Variants in SNRPD1 observed in about 807,000 individuals in gnomAD.
SNRPD1 encodes the protein small nuclear ribonucleoprotein Sm D1.
In SNRPD1, 1 loss-of-function variant was observed where a neutral mutation model predicts 14.4. The observed-to-expected ratio is 0.07, with a 90% CI of 0.02 to 0.33. The LOEUF is 0.33. Among genes scored for constraint, SNRPD1 ranks in the 10% least tolerant of loss-of-function variants. The pLI is 1.00. For synonymous variants in SNRPD1, 42 were observed against 50.3 expected (o/e 0.83, Z 0.70); for missense variants, 52 against 146.4 (o/e 0.36, Z 3.33).
intron 1 of SNRPD1, among the ~76,000 whole-genome samples, chr18:21,620,226 T>A (rs1598491991): frequency 6.6e-6 from 1 of 152,220 alleles, no homozygotes; most frequent in East Asian, 1.9e-4. Context: ...AGTGCTGGGG[T>A]TACAGGCATG....
chr18:21,623,564 A>G (rs2039013769), intron 2 of SNRPD1, among the ~76,000 whole-genome samples, 184 bp from the exon 3 acceptor site: 1 of 152,218 alleles, frequency 6.6e-6, no homozygotes, highest in African/African-American at 2.4e-5. Context: ...ATCTCTAGGA[A>G]GGAAACACTG....
chr18:21,624,152 G>A (rs1014457254), intron 3 of SNRPD1, among the ~76,000 whole-genome samples: 7 of 152,114 alleles, frequency 4.6e-5, no homozygotes, highest in Non-Finnish European at 7.4e-5. Context: ...AGGCCAAGGC[G>A]GGTGGATCAC....
chr18:21,626,509 G>A (rs914612539), intron 3 of SNRPD1, among the ~76,000 whole-genome samples: 20 of 151,748 alleles, frequency 1.3e-4, no homozygotes, highest in African/African-American at 4.6e-4. Flanking sequence ...TATTGGTTTG[G>A]GCCAGGTGTG....
At chr18:21,618,312 G>GA (rs1194425886) in intron 1 of SNRPD1, among the ~76,000 whole-genome samples, 1 of 150,472 alleles carries the variant, frequency 6.6e-6, no homozygotes, top group Non-Finnish European at 1.5e-5. Context: ...CATAGTCTCA[G>GA]AAAAAACCTA....
At position 21,612,349 on chromosome 18, in the gene SNRPD1, G is replaced by C. The variant is rs1336590708; in HGVS notation, c.-81G>C. ...GGAGCCCCTGGAGTAGGCGCTTCCG[G>C]CCATTCATACTGCAGTCGGTCAGTG... On this transcript the variant is annotated 5_prime_UTR_variant, in exon 1 of 4. Coordinates refer to ENST00000300413, the MANE Select transcript of SNRPD1 (RefSeq NM_006938.4). 2.7e-6 allele frequency: 3 copies of C among 1,125,256 alleles called. No homozygotes were observed. Among genetic ancestry groups the C allele is most frequent in the Admixed American group, 2.5e-5 (1 of 39,356 alleles). 69.7% of individuals were successfully genotyped at this position (1,125,256 alleles called of 1,614,324 possible).
chr18:21,614,153 A>T (rs2038941108), intron 1 of SNRPD1, among the ~76,000 whole-genome samples: 1 of 152,040 alleles, frequency 6.6e-6, no homozygotes, highest in Non-Finnish European at 1.5e-5. Flanking sequence ...GGCGCCTGTA[A>T]TCCCAGCTAC....
Position 21,626,761 on chromosome 18 carries a change from G to A in SNRPD1, c.284-2301G>A, listed in dbSNP as rs1222244377. 4.0e-5 allele frequency among the ~76,000 whole-genome samples: 6 copies of A among 151,146 alleles called. No individual in the cohort carries two copies. In the Admixed American group the frequency reaches 4.0e-4, roughly 10 times the overall value. ...AGATCGCACTACTGCACTCCAGCCT[G>A]GACAACAGAGAGAGACTTGGTCTCA... On this transcript the variant is annotated intron_variant, in intron 3 of 3. Transcript: ENST00000300413.
Position 21,623,854 on chromosome 18 carries a change from G to T in SNRPD1, c.198G>T (p.Arg66=). 1 of 1,610,848 alleles carries T rather than the reference G, an allele frequency of 6.2e-7. No individual in the cohort carries two copies. Residue 66 remains arginine, a synonymous_variant, in exon 3 of 4, where the codon CGG becomes CGT. Coordinates refer to ENST00000300413, the MANE Select transcript of SNRPD1 (RefSeq NM_006938.4). ...ETLSIRGNNI[R]YFILPDSLPL... ...TGAGTATTCGAGGAAATAACATTCG[G>T]TATTTTATTCTACCAGACAGTTTAC...
intron 3 of SNRPD1, among the ~76,000 whole-genome samples, chr18:21,625,867 C>T (rs1270310164): frequency 6.6e-6 from 1 of 152,112 alleles, no homozygotes; most frequent in East Asian, 1.9e-4. Context: ...CCTGGGCCTC[C>T]CTAAGTGCTG....
At chr18:21,622,202 T>C (rs1289189756) in intron 1 of SNRPD1, among the ~76,000 whole-genome samples, 10 of 151,780 alleles carry the variant, frequency 6.6e-5, no homozygotes, top group African/African-American at 2.4e-4. Flanking sequence ...TGCAGTGGCG[T>C]GATCTCGGCT....
At chr18:21,618,125 T>C (rs967481366) in intron 1 of SNRPD1, among the ~76,000 whole-genome samples, 3 of 151,968 alleles carry the variant, frequency 2.0e-5, no homozygotes, top group Non-Finnish European at 1.5e-5. Flanking sequence ...ATATTCTTAG[T>C]AAAAAACCTG....
intron 3 of SNRPD1, among the ~76,000 whole-genome samples, chr18:21,625,090 G>C (rs949893744): frequency 3.9e-5 from 6 of 151,914 alleles, no homozygotes; most frequent in African/African-American, 1.5e-4. Flanking sequence ...TTGAAGGCTG[G>C]CTGTATTTTC....
At chr18:21,614,458 T>C (rs1412417902) in intron 1 of SNRPD1, among the ~76,000 whole-genome samples, 1 of 152,204 alleles carries the variant, frequency 6.6e-6, no homozygotes, top group Admixed American at 6.5e-5. Context: ...AGGTAAAATA[T>C]AGAAACAAAT....
chr18:21,618,229 T>C (rs988165992), intron 1 of SNRPD1, among the ~76,000 whole-genome samples: 2 of 151,918 alleles, frequency 1.3e-5, no homozygotes, highest in African/African-American at 4.8e-5. Context: ...TTAAGACTAG[T>C]CTAGGCAACA....
chr18:21,621,662 C>G (rs988330100), intron 1 of SNRPD1, among the ~76,000 whole-genome samples: 9 of 152,128 alleles, frequency 5.9e-5, no homozygotes, highest in Non-Finnish European at 1.0e-4. Flanking sequence ...ACTGCAATCT[C>G]TGCCTCCCAG....
Position 21,622,721 on chromosome 18 carries a change from A to G in SNRPD1, c.15-4A>G, listed in dbSNP as rs2039007475. ...GGTAAAAATGGTTTTATTCCTATTT[A>G]TAGATTTTTGATGAAATTGAGTCAT... On this transcript the variant is annotated splice_region_variant and splice_polypyrimidine_tract_variant and intron_variant, in intron 1 of 3. Coordinates refer to ENST00000300413, the MANE Select transcript of SNRPD1 (RefSeq NM_006938.4). 3 of 1,405,756 alleles carry G rather than the reference A, an allele frequency of 2.1e-6. No individual in the cohort carries two copies. Among genetic ancestry groups the G allele is most frequent in the East Asian group, 2.3e-5 (1 of 43,858 alleles). 87.1% of individuals were successfully genotyped at this position (1,405,756 alleles called of 1,614,324 possible). A position where few individuals can be genotyped will look rare whatever the true frequency, so the allele number is the denominator to read the frequency against.
At chr18:21,613,487 G>A (rs140369043) in intron 1 of SNRPD1, among the ~76,000 whole-genome samples, 4 of 152,220 alleles carry the variant, frequency 2.6e-5, no homozygotes, top group Non-Finnish European at 4.4e-5. Flanking sequence ...TGGTTAGTGG[G>A]GATGACAGAC....
intron 1 of SNRPD1, among the ~76,000 whole-genome samples, chr18:21,616,113 G>A (rs956537472): frequency 7.9e-5 from 12 of 152,134 alleles, no homozygotes; most frequent in Admixed American, 2.0e-4. Context: ...AGCCTCCCGA[G>A]TAGCTGGGAC....
chr18:21,620,937 G>T (rs1392728579), intron 1 of SNRPD1, among the ~76,000 whole-genome samples: 1 of 152,112 alleles, frequency 6.6e-6, no homozygotes, highest in East Asian at 1.9e-4. Flanking sequence ...GCCGAGGCGG[G>T]TGGATCACGA....
Sources: allele counts gnomAD v4.1 joint callset (sites outside exome capture counted in the v4.1 genomes callset), GRCh38; gene constraint gnomAD v4.1.1; transcripts MANE v1.5; gene names NCBI Gene and HGNC (gene_info 2026-07-23, HGNC 2026-07-21).